KIAA1671: variants seen among roughly 807,000 people sequenced by gnomAD.
The protein encoded by KIAA1671 is uncharacterized protein KIAA1671.
Under a neutral mutation model 131.2 loss-of-function variants are expected in KIAA1671, and 52 were observed. The ratio of observed to expected loss-of-function variants is 0.40; its 90% CI spans 0.32 to 0.50. The LOEUF (loss-of-function observed/expected upper bound fraction) is 0.50. KIAA1671 is among the 20% of genes least tolerant of loss of function. The probability of loss-of-function intolerance (pLI) is 0.73; values close to 1 mark genes in which losing one functional copy is unlikely to be tolerated. For synonymous variants in KIAA1671, 1,003 were observed against 961.6 expected, an observed-to-expected ratio of 1.04 and a Z score of -0.80; for missense variants, 2,360 against 2,364.2, an observed-to-expected ratio of 1.00 and a Z score of 0.04.
intron 6 of KIAA1671, among the ~76,000 whole-genome samples, chr22:25,065,779 A>T (rs1013718736): frequency 2.8e-4 from 43 of 152,032 alleles, no homozygotes; most frequent in African/African-American, 1.0e-3. Context: ...AGGTGGGATT[A>T]TAGGTGCCTG....
intron 6 of KIAA1671, among the ~76,000 whole-genome samples, chr22:25,114,492 C>T (rs5760863): frequency 0.25 from 38,278 of 152,176 alleles, 5,214 homozygotes; most frequent in Non-Finnish European, 0.3. Flanking sequence ...GTCAACGAAA[C>T]GCAAGGCCAG....
At chr22:25,150,155 G>A (rs1342306475) in intron 6 of KIAA1671, among the ~76,000 whole-genome samples, 1 of 152,250 alleles carries the variant, frequency 6.6e-6, no homozygotes, top group Non-Finnish European at 1.5e-5. Context: ...GACAACCTCT[G>A]AGCTCCCTCT....
At chr22:25,008,594 G>A (rs150926389) in intron 1 of KIAA1671, among the ~76,000 whole-genome samples, 1 of 152,114 alleles carries the variant, frequency 6.6e-6, no homozygotes, top group African/African-American at 2.4e-5. Flanking sequence ...CCACCACATG[G>A]GCCAGTTGCC....
intron 6 of KIAA1671, among the ~76,000 whole-genome samples, chr22:25,162,002 C>A (rs1933459209): frequency 6.6e-6 from 1 of 152,142 alleles, no homozygotes; most frequent in Non-Finnish European, 1.5e-5. Context: ...GGGTGCCAGG[C>A]AAACTCAGGT....
chr22:25,173,051 C>A (rs1416262783), intron 7 of KIAA1671, among the ~76,000 whole-genome samples: 2 of 152,162 alleles, frequency 1.3e-5, no homozygotes, highest in East Asian at 3.8e-4. Flanking sequence ...GGGGAAGCCT[C>A]AGGAAACTTA....
intron 1 of KIAA1671, among the ~76,000 whole-genome samples, chr22:24,982,576 T>G (rs1406723991): frequency 6.6e-6 from 1 of 152,204 alleles, no homozygotes; most frequent in Non-Finnish European, 1.5e-5. Context: ...GGTGAGGGCC[T>G]GTTTCTTGAG....
At chr22:24,967,348 C>T (rs1172117216) in intron 1 of KIAA1671, among the ~76,000 whole-genome samples, 2 of 152,160 alleles carry the variant, frequency 1.3e-5, no homozygotes, top group African/African-American at 4.8e-5. Flanking sequence ...TCCTCAATGT[C>T]ATAAGCTTGG....
intron 1 of KIAA1671, among the ~76,000 whole-genome samples, chr22:25,021,608 T>TGGAA (rs1165380861): frequency 3.3e-5 from 5 of 151,864 alleles, no homozygotes; most frequent in African/African-American, 9.7e-5. Flanking sequence ...AATTGTGTAT[T>TGGAA]GGAAGGAAGG....
chr22:25,133,574 G>A (rs764749975), intron 6 of KIAA1671, among the ~76,000 whole-genome samples: 4 of 151,996 alleles, frequency 2.6e-5, no homozygotes, highest in Admixed American at 1.3e-4. Flanking sequence ...AGACAGTCTC[G>A]CTGTGTTGTG....
chr22:25,086,266 C>G (rs1929716609), intron 6 of KIAA1671, among the ~76,000 whole-genome samples: 1 of 152,202 alleles, frequency 6.6e-6, no homozygotes, highest in African/African-American at 2.4e-5. Context: ...GTCTTGCACA[C>G]AGCAGGTGCT....
At chr22:25,083,766 T>C (rs1929536953) in intron 6 of KIAA1671, among the ~76,000 whole-genome samples, 1 of 152,220 alleles carries the variant, frequency 6.6e-6, no homozygotes, top group South Asian at 2.1e-4. Flanking sequence ...GCCCTCTCCC[T>C]GTTAAGGCCT....
intron 6 of KIAA1671, among the ~76,000 whole-genome samples, chr22:25,074,307 C>T (rs111610773): frequency 2.7e-5 from 4 of 150,602 alleles, no homozygotes; most frequent in African/African-American, 9.7e-5. Flanking sequence ...AAGTTTGAGA[C>T]CAGCCTGGTC....
chr22:25,176,287 TTTG>T (rs1934024509), intron 8 of KIAA1671: 1 of 152,236 alleles, frequency 6.6e-6, no homozygotes, highest in Admixed American at 6.5e-5. Context: ...CATTGGGACT[TTTG>T]TTACTTACCA....
At position 25,190,888 on chromosome 22, in the gene KIAA1671, G is replaced by A. The variant is rs1236826688; in HGVS notation, c.*4+104G>A. On this transcript the variant is annotated intron_variant, in intron 12 of 12. Coordinates refer to ENST00000358431, the MANE Select transcript of KIAA1671 (RefSeq NM_001145206.2). ...AGAGACTGGGGCTGTTGTACCCAAG[G>A]AAAGAGGCTGTGTAAGGGGAAGAAT... 6.5e-6 allele frequency: 5 copies of A among 763,558 alleles called. No individual in the cohort carries two copies. In the African/African-American group the frequency reaches 8.7e-5, roughly 13 times the overall value. 47.3% of individuals were successfully genotyped at this position (763,558 alleles called of 1,614,324 possible).
chr22:25,162,615 C>T (rs143521713), intron 6 of KIAA1671, among the ~76,000 whole-genome samples: 249 of 152,340 alleles, frequency 1.6e-3, no homozygotes, highest in Middle Eastern at 6.8e-3. Context: ...GTTTATTCCA[C>T]AACTACTAGA....
At chr22:24,998,717 C>CAA (rs34109303) in intron 1 of KIAA1671, among the ~76,000 whole-genome samples, 1,830 of 76,014 alleles carry the variant, frequency 0.024, 52 homozygotes, top group African/African-American at 0.083. Context: ...GACTCTGTCT[C>CAA]AAAAAAAAAA....
In KIAA1671 at chr22:25,039,805, A is replaced by G. The variant is rs1034341715; in HGVS notation, c.2675A>G (p.Asn892Ser). Reference sequence around the variant, plus strand: ...CTCGATCCTCTTTCCAGGGCTACGAATGGGCCTTCTGACTCCCAAGCACGA... The same window carrying G: ...CTCGATCCTCTTTCCAGGGCTACGAGTGGGCCTTCTGACTCCCAAGCACGA... ...CPLDPLSRAT[N>S]GPSDSQARTH... The change falls in exon 5 of 13, where the codon AAT (asparagine) becomes AGT (serine). Residue 892 changes from asparagine (N) to serine (S), a missense_variant. Physicochemically the swap from Asn to Ser is conservative, Grantham distance 46. Coordinates refer to ENST00000358431, the MANE Select transcript of KIAA1671 (RefSeq NM_001145206.2). 9.2e-6 allele frequency: 14 copies of G among 1,522,898 alleles called. No homozygotes were observed. In the South Asian group the frequency reaches 1.4e-4, roughly 15 times the overall value. The allele number at this position is 1,522,898 out of a possible 1,614,324, so 94.3% of individuals were successfully genotyped here. A position where few individuals can be genotyped will look rare whatever the true frequency, so the allele number is the denominator to read the frequency against.
rs569087599 is a variant in KIAA1671 at position 25,190,478 on chromosome 22, G to T, written c.5343-224G>T. 3.3e-5 allele frequency among the ~76,000 whole-genome samples: 5 copies of T among 152,332 alleles called. No homozygotes were observed. The South Asian group carries it at 8.3e-4, about 25-fold the overall frequency. On this transcript the variant is annotated intron_variant, in intron 11 of 12. Transcript: ENST00000358431. ...CCAGTATCGGTCTGTGGCCCAGGGG[G>T]TTGGGGACCCCTGATTTATTTAATA...
intron 3 of KIAA1671, among the ~76,000 whole-genome samples, chr22:25,031,940 G>T (rs1378922764): frequency 7.9e-5 from 12 of 152,196 alleles, no homozygotes; most frequent in Non-Finnish European, 1.8e-4. Context: ...TCAGTCCCCA[G>T]CTTTGAACTA....
Sources: allele counts gnomAD v4.1 joint callset (sites outside exome capture counted in the v4.1 genomes callset), GRCh38; gene constraint gnomAD v4.1.1; transcripts MANE v1.5; gene names NCBI Gene and HGNC (gene_info 2026-07-23, HGNC 2026-07-21).